The following NOB1 variants were observed in gnomAD, a reference collection of about 807,000 sequenced individuals.
NOB1 encodes NIN1 (RPN12) binding protein 1 homolog, also known as RNA-binding protein NOB1.
In NOB1, 44 loss-of-function variants were observed where a neutral mutation model predicts 44.8. That is an observed-to-expected ratio of 0.98 (90% CI 0.77 to 1.26). NOB1 has a LOEUF of 1.26. Among genes scored for constraint, NOB1 ranks in the 50% most tolerant of loss-of-function variants. The pLI is 0.00. For missense variants in NOB1, 560 were observed against 544.8 expected, an observed-to-expected ratio of 1.03 and a Z score of -0.28; for synonymous variants, 238 against 218.7, an observed-to-expected ratio of 1.09 and a Z score of -0.78.
intron 2 of NOB1, among the ~76,000 whole-genome samples, chr16:69,753,629 T>C (rs1567644825): frequency 6.6e-6 from 1 of 152,166 alleles, no homozygotes; most frequent in Non-Finnish European, 1.5e-5. Flanking sequence ...ACAGAGCTAC[T>C]AAGTTGGTGG....
In NOB1 at chr16:69,748,907, A is replaced by G. The variant is rs2038456660; in HGVS notation, c.726+11T>C. The G allele has an allele frequency of 6.3e-7, 1 of 1,588,948 alleles. No individual in the cohort carries two copies. Among genetic ancestry groups the G allele is most frequent in the Admixed American group, 1.7e-5 (1 of 57,326 alleles). On this transcript the variant is annotated intron_variant, in intron 6 of 8. Transcript: ENST00000268802. ...CGTGTGTGACACACGGCCCAGGCCC[A>G]CCCTACCCACCTGCATGGCGAAGTC... is the stretch of plus-strand genomic sequence containing the variant.
At chr16:69,750,992 A>G (rs1392224332) in intron 3 of NOB1, among the ~76,000 whole-genome samples, 2 of 152,234 alleles carry the variant, frequency 1.3e-5, no homozygotes, top group Non-Finnish European at 2.9e-5. Flanking sequence ...CACAGTGGGT[A>G]AGACCCTAAA....
chr16:69,751,731 T>C (rs2038484155), intron 3 of NOB1, among the ~76,000 whole-genome samples: 1 of 152,206 alleles, frequency 6.6e-6, no homozygotes, highest in Non-Finnish European at 1.5e-5. Context: ...AAGAAATATC[T>C]ATCAGTGAAA....
chr16:69,742,794 G>A (rs535001049), intron 8 of NOB1, among the ~76,000 whole-genome samples, 193 bp from the exon 9 acceptor site: 1 of 152,120 alleles, frequency 6.6e-6, no homozygotes, highest in Non-Finnish European at 1.5e-5. Flanking sequence ...ATTCACACAC[G>A]AAAAACCGAA....
chr16:69,753,114 G>A, intron 2 of NOB1, among the ~76,000 whole-genome samples: 2 of 151,996 alleles, frequency 1.3e-5, no homozygotes, highest in East Asian at 3.9e-4. Flanking sequence ...CCCAGCTACT[G>A]GGGAGGCTGA....
In NOB1 at chr16:69,748,294, C is replaced by T. The variant is rs540674327; in HGVS notation, c.762G>A (p.Ala254=). ...VLLQMGLHVL[A]VNGMLIREAR... is the part of the protein sequence containing the mutation. ...CCTCACGAATCAGCATGCCGTTCACCGCCAGCACGTGCAGCCCCATCTGCA... is the reference window on the plus strand; with the variant it reads ...CCTCACGAATCAGCATGCCGTTCACTGCCAGCACGTGCAGCCCCATCTGCA... Residue 254 remains alanine (A), a synonymous_variant, in exon 7 of 9, where the codon GCG becomes GCA. Coordinates refer to ENST00000268802, the MANE Select transcript of NOB1 (RefSeq NM_014062.3). 231 of 1,614,052 alleles carry T rather than the reference C, an allele frequency of 1.4e-4. 5 individuals carry two copies. In the South Asian group the frequency reaches 2.2e-3, roughly 15 times the overall value.
rs1241326293 is a variant in NOB1 at position 69,752,347 on chromosome 16, CCT to C, written c.219_220del (p.Gly74ArgfsTer37). On this transcript the variant is annotated frameshift_variant, in exon 3 of 9. Coordinates refer to ENST00000268802, the MANE Select transcript of NOB1 (RefSeq NM_014062.3). LOFTEE classifies it high-confidence loss of function. The stretch of plus-strand genomic sequence containing the variant: ...CGTGGCAGAGAGGCTGGGGTAGTCT[CCT>C]GTTTTCTTTGAAAACTCAGTCACTG... 6.2e-6 allele frequency: 10 copies of C among 1,613,126 alleles called. No homozygotes were observed. Among genetic ancestry groups the C allele is most frequent in the Non-Finnish European group, 8.5e-6 (10 of 1,179,304 alleles).
chr16:69,745,140 T>C (rs1053547030), intron 7 of NOB1, 123 bp from the exon 8 acceptor site: 3 of 986,382 alleles, frequency 3.0e-6, no homozygotes, highest in African/African-American at 1.6e-5. Context: ...GCACCACACA[T>C]GTCACAAAGA....
chr16:69,749,169 G>A (rs372186877), intron 5 of NOB1, 44 bp downstream of exon 5: 38 of 1,613,378 alleles, frequency 2.4e-5, no homozygotes, highest in Admixed American at 2.0e-4. Flanking sequence ...AGCAGTGGAG[G>A]AGAAGTTGAG....
In NOB1 at chr16:69,749,065, C is replaced by A. The variant is rs1335698715; in HGVS notation, c.579G>T (p.Gly193=). 1.2e-6 allele frequency: 2 copies of A among 1,614,246 alleles called. No individual in the cohort carries two copies. Among genetic ancestry groups the A allele is most frequent in the Non-Finnish European group, 1.7e-6 (2 of 1,180,044 alleles). Residue 193 remains glycine (G), a synonymous_variant, in exon 6 of 9, where the codon GGG becomes GGT. Transcript: ENST00000268802. The stretch of plus-strand genomic sequence containing the variant: ...CGCTGTCATCTTTTCTGTCTTCAAA[C>A]CCGTTTTCTTCCTCCTCCTCCTCCT... ...PSEEEEEEEN[G]FEDRKDDSDD... is the part of the protein sequence containing the mutation.
intron 2 of NOB1, among the ~76,000 whole-genome samples, chr16:69,753,656 CACAA>C (rs778885636): frequency 5.3e-5 from 8 of 152,174 alleles, no homozygotes; most frequent in East Asian, 1.9e-4. Context: ...TCGTAGAAAT[CACAA>C]ACAGAGGAGG....
chr16:69,750,017 G>A (rs1290945331), intron 3 of NOB1, among the ~76,000 whole-genome samples: 1 of 33,270 alleles, frequency 3.0e-5, no homozygotes, highest in Non-Finnish European at 6.8e-5. Flanking sequence ...TTTTTTTTTT[G>A]AGATAGGGTC....
At chr16:69,753,893 A>G (rs1314592668) in intron 2 of NOB1, among the ~76,000 whole-genome samples, 1 of 151,962 alleles carries the variant, frequency 6.6e-6, no homozygotes, top group Admixed American at 6.6e-5. Flanking sequence ...TGCAACCTCC[A>G]CCTCCAGGTT....
In NOB1 at chr16:69,748,463, C is replaced by CCT. The variant is rs1165580608; in HGVS notation, c.727-136_727-135dup. 10 of 731,422 alleles carry CCT rather than the reference C, an allele frequency of 1.4e-5. No homozygotes were observed. The Admixed American group carries it at 2.3e-4, about 17-fold the overall frequency. 45.3% of individuals were successfully genotyped at this position (731,422 alleles called of 1,614,324 possible). On this transcript the variant is annotated intron_variant, in intron 6 of 8. Coordinates refer to ENST00000268802, the MANE Select transcript of NOB1 (RefSeq NM_014062.3). ...GCGAAGGAAACTCAGCCTGGGGAGG[C>CCT]CTCTCAAGATGTGTAAACGAGGACG...
chr16:69,744,980 A>G lies in NOB1; in HGVS notation c.862T>C (p.Cys288Arg), dbSNP rs144374127. The change falls in exon 8 of 9, where the codon TGT becomes CGT. Residue 288 changes from cysteine (C) to arginine (R), a missense_variant. Transcript: ENST00000268802. ...ACTTTCTTCAGGGTCTTGTTCCCAC[A>G]GTGTGAGCAGAACACTCGGCTCATG... ...SDMSRVFCSH[C>R]GNKTLKKVSV... is the part of the protein sequence containing the mutation. The G allele has an allele frequency of 1.3e-5, 21 of 1,614,128 alleles. No homozygotes were observed. Among genetic ancestry groups the G allele is most frequent in the Non-Finnish European group, 1.7e-5 (20 of 1,180,008 alleles).
At chr16:69,746,008 A>G (rs1176833007) in intron 7 of NOB1, among the ~76,000 whole-genome samples, 2 of 152,236 alleles carry the variant, frequency 1.3e-5, no homozygotes, top group Non-Finnish European at 2.9e-5. Flanking sequence ...TGAAGCCAGG[A>G]GCTTTACTAT....
rs2038450896 is a variant in NOB1, at chr16:69,748,318, C to T, written c.738G>A (p.Leu246=). 1.2e-6 allele frequency: 2 copies of T among 1,613,422 alleles called. No homozygotes were observed. Among genetic ancestry groups the T allele is most frequent in the Admixed American group, 3.3e-5 (2 of 59,936 alleles). The change falls in exon 7 of 9, where the codon CTG becomes CTA. Residue 246 remains leucine, a synonymous_variant. Coordinates refer to ENST00000268802, the MANE Select transcript of NOB1 (RefSeq NM_014062.3). ...CCGCCAGCACGTGCAGCCCCATCTG[C>T]AGCAGAACATTCTACAACCACAAGT... is the stretch of plus-strand genomic sequence containing the variant. The part of the protein sequence containing the change: ...TTDFAMQNVL[L]QMGLHVLAVN...
At chr16:69,745,799 C>T (rs2038425909) in intron 7 of NOB1, among the ~76,000 whole-genome samples, 1 of 152,224 alleles carries the variant, frequency 6.6e-6, no homozygotes, top group South Asian at 2.1e-4. Flanking sequence ...AGCCAAATGC[C>T]TTACCTGAAG....
rs1567645292 is a variant in NOB1, at chr16:69,754,922, G to A, written c.-12C>T. 1 of 1,571,670 alleles carries A rather than the reference G, an allele frequency of 6.4e-7. No individual in the cohort carries two copies. Among genetic ancestry groups the A allele is most frequent in the Non-Finnish European group, 8.6e-7 (1 of 1,160,270 alleles). On this transcript the variant is annotated 5_prime_UTR_variant, in exon 1 of 9. Transcript: ENST00000268802. ...TCCACTGGAGCCATGTTGGCTGCGTGAGAGGGGAGCGCGCATGCGCACGGA... is the reference window on the plus strand; with the variant it reads ...TCCACTGGAGCCATGTTGGCTGCGTAAGAGGGGAGCGCGCATGCGCACGGA...
Sources: gnomAD v4.1 joint callset for allele counts (sites outside exome capture counted in the v4.1 genomes callset) on GRCh38, gnomAD v4.1.1 for gene constraint, MANE v1.5 for transcripts, NCBI Gene and HGNC (gene_info 2026-07-23, HGNC 2026-07-21) for gene names.